CACNA1D: variants seen among roughly 807,000 people sequenced by gnomAD.
CACNA1D encodes the protein calcium voltage-gated channel subunit alpha1 D, also known as voltage-dependent L-type calcium channel subunit alpha-1D.
CACNA1D carries 55 observed loss-of-function variants against 257.1 expected under a neutral mutation model. That is an observed-to-expected ratio of 0.21 (90% CI 0.17 to 0.27). The LOEUF (loss-of-function observed/expected upper bound fraction) is 0.27, where lower values mean the gene tolerates loss of function less well. Ranked by LOEUF, CACNA1D falls within the 10% of genes least tolerant of loss-of-function variation. The probability of loss-of-function intolerance (pLI) is 1.00; values close to 1 mark genes in which losing one functional copy is unlikely to be tolerated. For synonymous variants in CACNA1D, 980 were observed against 1,014.9 expected, an observed-to-expected ratio of 0.97 and a Z score of 0.65; for missense variants, 1,876 against 2,784.0, an observed-to-expected ratio of 0.67 and a Z score of 7.34.
intron 8 of CACNA1D, among the ~76,000 whole-genome samples, chr3:53,692,435 A>G (rs2094537060): frequency 6.6e-6 from 1 of 152,174 alleles, no homozygotes; most frequent in African/African-American, 2.4e-5. Flanking sequence ...CCTTGGAGGA[A>G]CTGAGTGAAC....
At chr3:53,590,104 G>A (rs2093281366) in intron 3 of CACNA1D, among the ~76,000 whole-genome samples, 1 of 152,180 alleles carries the variant, frequency 6.6e-6, no homozygotes, top group African/African-American at 2.4e-5. Flanking sequence ...CCCAGCCCTG[G>A]ATGGATCCAG....
At chr3:53,628,192 A>G (rs1465476855) in intron 3 of CACNA1D, among the ~76,000 whole-genome samples, 2 of 152,172 alleles carry the variant, frequency 1.3e-5, no homozygotes, top group African/African-American at 4.8e-5. Context: ...AGATACACAC[A>G]TAAGCACAAG....
chr3:53,726,809 C>T (rs567805870), intron 14 of CACNA1D, 70 bp from the exon 15 acceptor site: 75 of 1,609,126 alleles, frequency 4.7e-5, no homozygotes, highest in African/African-American at 3.5e-4. Context: ...AGGCAGCCAC[C>T]GAGGGGCTCT....
chr3:53,656,035 AGTCC>A (rs1281761804), intron 4 of CACNA1D, among the ~76,000 whole-genome samples: 14 of 152,148 alleles, frequency 9.2e-5, no homozygotes, highest in Non-Finnish European at 1.8e-4. Context: ...TTGAATAGGG[AGTCC>A]TTTCCCCATT....
At chr3:53,749,561 C>T in intron 27 of CACNA1D, 92 bp downstream of exon 27, 1 of 871,416 alleles carries the variant, frequency 1.1e-6, no homozygotes, top group East Asian at 2.5e-5. Context: ...CAGAGAAGGG[C>T]ACCCACATAC....
chr3:53,520,634 C>T (rs2091517584), intron 3 of CACNA1D, among the ~76,000 whole-genome samples: 1 of 152,076 alleles, frequency 6.6e-6, no homozygotes, highest in Non-Finnish European at 1.5e-5. Flanking sequence ...GACATGGTCA[C>T]AGGCATCTGT....
chr3:53,730,661 C>G, intron 16 of CACNA1D, 105 bp downstream of exon 16: 1 of 858,938 alleles, frequency 1.2e-6, no homozygotes, highest in Non-Finnish European at 1.9e-6. Context: ...GCTGCAGCCC[C>G]CGGGTTGCTG....
At position 53,786,933 on chromosome 3, in the gene CACNA1D, ACAC is replaced by A; in HGVS notation, c.4908_4910del (p.Thr1637del). The A allele has an allele frequency of 6.2e-7, 1 of 1,614,122 alleles. No individual in the cohort carries two copies. The highest frequency in any genetic ancestry group is 8.5e-7 in the Non-Finnish European group (1 of 1,179,964). ...CTGGTGGGAAAGTACCCTGCGAAGA[ACAC>A]CACAATTGCCCTACAGGTGAATTGT... On this transcript the variant is annotated inframe_deletion, in exon 40 of 48. Coordinates refer to ENST00000350061, the MANE Select transcript of CACNA1D (RefSeq NM_001128840.3).
chr3:53,760,810 A>C lies in CACNA1D; in HGVS notation c.3787-1188A>C, dbSNP rs1347549270. Among the ~76,000 whole-genome samples the C allele has an allele frequency of 5.3e-5, 8 of 152,366 alleles. No individual in the cohort carries two copies. In the South Asian group the frequency reaches 1.4e-3, roughly 28 times the overall value. Reference sequence around the variant, plus strand: ...CAAAGCTGGATGACAGGCAGGGTGCAAGTTGGTGGACAAAGGGGACATTGC... The same window carrying C: ...CAAAGCTGGATGACAGGCAGGGTGCCAGTTGGTGGACAAAGGGGACATTGC... On this transcript the variant is annotated intron_variant, in intron 29 of 47. Transcript: ENST00000350061.
At chr3:53,611,185 C>T (rs2093578806) in intron 3 of CACNA1D, among the ~76,000 whole-genome samples, 1 of 152,086 alleles carries the variant, frequency 6.6e-6, no homozygotes. Flanking sequence ...TCAAGACCAG[C>T]CTAGCACAGG....
At chr3:53,696,943 G>GTATT (rs200001229) in intron 8 of CACNA1D, among the ~76,000 whole-genome samples, 1 of 151,326 alleles carries the variant, frequency 6.6e-6, no homozygotes, top group African/African-American at 2.4e-5. Context: ...TGGGTCTGCA[G>GTATT]CGACCTGGAG....
intron 9 of CACNA1D, among the ~76,000 whole-genome samples, chr3:53,712,529 C>G (rs942379108): frequency 6.6e-6 from 1 of 152,202 alleles, no homozygotes; most frequent in Non-Finnish European, 1.5e-5. Flanking sequence ...TCTCTACTAG[C>G]ATGTGCATGT....
intron 3 of CACNA1D, among the ~76,000 whole-genome samples, chr3:53,538,208 G>C (rs1234497808): frequency 7.6e-5 from 11 of 145,058 alleles, no homozygotes. Context: ...AGTGCAGTGG[G>C]GTGATCTTGG....
Position 53,650,938 on chromosome 3 carries a change from G to A in CACNA1D, c.623+20G>A. The A allele has an allele frequency of 6.2e-7, 1 of 1,608,848 alleles. No homozygotes were observed. Reference sequence around the variant, plus strand: ...AGTAGGGTAAGTCTCTTTTACTTTGGGGAAATGTTGATTTGGAAAATGGGA... The same window carrying A: ...AGTAGGGTAAGTCTCTTTTACTTTGAGGAAATGTTGATTTGGAAAATGGGA... On this transcript the variant is annotated intron_variant, in intron 4 of 47. Transcript: ENST00000350061.
intron 3 of CACNA1D, among the ~76,000 whole-genome samples, chr3:53,570,604 A>G (rs994285198): frequency 2.0e-5 from 3 of 152,250 alleles, no homozygotes; most frequent in South Asian, 2.1e-4. Flanking sequence ...AGGATTGTCA[A>G]TGGTCCTAGC....
chr3:53,516,326 C>G (rs1269280453), intron 3 of CACNA1D, among the ~76,000 whole-genome samples: 2 of 152,256 alleles, frequency 1.3e-5, no homozygotes, highest in African/African-American at 2.4e-5. Context: ...TGTTAAATCC[C>G]TGTGTTCTTC....
chr3:53,550,164 C>T (rs1407423798), intron 3 of CACNA1D, among the ~76,000 whole-genome samples: 1 of 152,102 alleles, frequency 6.6e-6, no homozygotes, highest in Non-Finnish European at 1.5e-5. Context: ...CTGGGGATGC[C>T]CTTCCAGAAT....
intron 3 of CACNA1D, among the ~76,000 whole-genome samples, chr3:53,565,689 A>G (rs2107659605): frequency 6.6e-6 from 1 of 152,356 alleles, no homozygotes; most frequent in South Asian, 2.1e-4. Context: ...TAATCATAGT[A>G]TGTGTGTATG....
intron 29 of CACNA1D, among the ~76,000 whole-genome samples, chr3:53,754,618 G>A (rs1576567426): frequency 6.6e-6 from 1 of 152,164 alleles, no homozygotes; most frequent in African/African-American, 2.4e-5. Context: ...TCATCATCAA[G>A]CAAGGATGTT....
Sources: gnomAD v4.1 joint callset for allele counts (sites outside exome capture counted in the v4.1 genomes callset) on GRCh38, gnomAD v4.1.1 for gene constraint, MANE v1.5 for transcripts, NCBI Gene and HGNC (gene_info 2026-07-23, HGNC 2026-07-21) for gene names.